Variants in SP110 observed in about 807,000 individuals in gnomAD.
The protein encoded by SP110 is interferon-induced protein 41, 30kD.
SP110 carries 62 observed loss-of-function variants against 92.7 expected under a neutral mutation model. That is an observed-to-expected ratio of 0.67 (90% CI 0.55 to 0.83). The LOEUF is 0.83. Among genes scored for constraint, SP110 ranks in the 40% least tolerant of loss-of-function variants. SP110 has a pLI of 0.00. For missense variants in SP110, 793 were observed against 863.9 expected, an observed-to-expected ratio of 0.92 and a Z score of 1.03; for synonymous variants, 273 against 305.3, an observed-to-expected ratio of 0.89 and a Z score of 1.10.
chr2:230,208,032 G>T lies in SP110; in HGVS notation c.857C>A (p.Ser286Ter). The T allele has an allele frequency of 3.8e-6, 6 of 1,564,466 alleles. No individual in the cohort carries two copies. The highest frequency in any genetic ancestry group is 5.3e-6 in the Non-Finnish European group (6 of 1,136,994). The change falls in exon 8 of 19, where the codon TCA becomes TAA. Residue 286 changes from serine to a stop codon, truncating the protein, a stop_gained. Coordinates refer to ENST00000258381, the MANE Select transcript of SP110 (RefSeq NM_080424.4). LOFTEE classifies it high-confidence loss of function. ...KGKKRKRCIWSTPKRRHKKKS... is the reference protein window; with the variant it reads ...KGKKRKRCIW ...TTTCTTATGTCTCCTTTTTGGAGTT[G>T]ACCAGATACATCTTTTTCTTTTCTT...
At chr2:230,223,216 T>C (rs764017063), upstream of SP110, among the ~76,000 whole-genome samples, 17 of 152,074 alleles carry the variant, frequency 1.1e-4, no homozygotes, top group Non-Finnish European at 2.4e-4. Context: ...TTTGTATTTT[T>C]AGTAGAGATG....
At chr2:230,214,400 G>T (rs1163129043) in intron 3 of SP110, among the ~76,000 whole-genome samples, 1 of 152,124 alleles carries the variant, frequency 6.6e-6, no homozygotes, top group South Asian at 2.1e-4. Context: ...GACCCAAGTA[G>T]GACTCTTGCT....
rs1560516964 is a variant in SP110 at position 230,168,128 on chromosome 2, A to AAAAAAG, written c.*990_*995dup. ...TGTCTCAAAAAAAAAAAAAAAAAAA[A>AAAAAAG]AAAAAGAAAAAGTGGGCAACTCAAG... On this transcript the variant is annotated 3_prime_UTR_variant, in exon 19 of 19. Transcript: ENST00000258381. The AAAAAAG allele has an allele frequency of 6.2e-5, 9 of 144,488 alleles. No homozygotes were observed. Among genetic ancestry groups the AAAAAAG allele is most frequent in the African/African-American group, 2.1e-4 (8 of 38,830 alleles). 9.0% of individuals were successfully genotyped at this position (144,488 alleles called of 1,614,324 possible).
intron 2 of SP110, among the ~76,000 whole-genome samples, chr2:230,215,355 G>A (rs1436884677): frequency 6.6e-6 from 1 of 152,154 alleles, no homozygotes; most frequent in Non-Finnish European, 1.5e-5. Flanking sequence ...CTTTCTTAAA[G>A]TAAGTCTATA....
rs983225395 is a variant in SP110, at chr2:230,211,725, G to A, written c.668-172C>T. 5.3e-5 allele frequency among the ~76,000 whole-genome samples: 8 copies of A among 152,266 alleles called. No homozygotes were observed. The East Asian group carries it at 1.4e-3, about 26-fold the overall frequency. On this transcript the variant is annotated intron_variant, in intron 5 of 18. Transcript: ENST00000258381. The surrounding 1 kb of genome is among the most constrained non-coding windows in gnomAD (Gnocchi z 4.2). ...GTAAGCAACCATTCACTCTCAATTA[G>A]CCACTTGTTCTTCCATTGCTGTTAG...
chr2:230,197,253 T>C (rs1318486422), intron 10 of SP110, among the ~76,000 whole-genome samples: 3 of 150,104 alleles, frequency 2.0e-5, no homozygotes, highest in African/African-American at 2.4e-5. Flanking sequence ...TGTGAGATGG[T>C]ATCTCATTGT....
chr2:230,181,882 A>G (rs543874305), intron 12 of SP110, among the ~76,000 whole-genome samples: 1 of 152,382 alleles, frequency 6.6e-6, no homozygotes, highest in South Asian at 2.1e-4. Flanking sequence ...ACCATTGTGA[A>G]AGACCTCGAA....
intron 12 of SP110, among the ~76,000 whole-genome samples, chr2:230,179,259 C>T (rs577909236): frequency 1.2e-4 from 18 of 152,256 alleles, no homozygotes; most frequent in South Asian, 1.0e-3. Context: ...TGTGATCCCC[C>T]CGACAGAACC....
upstream of SP110, chr2:230,220,194 T>C (rs1174168923): frequency 6.7e-6 from 3 of 445,342 alleles, no homozygotes; most frequent in Non-Finnish European, 8.9e-6. Flanking sequence ...GAGGGAGGTA[T>C]GGGAGGAGGA....
chr2:230,189,778 G>A (rs746339356), intron 10 of SP110, among the ~76,000 whole-genome samples: 6 of 152,146 alleles, frequency 3.9e-5, no homozygotes, highest in Non-Finnish European at 7.4e-5. Context: ...CCACTTATGA[G>A]TGAGAACATG....
At position 230,188,876 on chromosome 2, in the gene SP110, C is replaced by G. The variant is rs2042480228; in HGVS notation, c.1130-2733G>C. Among the ~76,000 whole-genome samples, 3 of 151,756 alleles carry G rather than the reference C, an allele frequency of 2.0e-5. No homozygotes were observed. The South Asian group carries it at 6.2e-4, about 31-fold the overall frequency. ...TTTTTGATGGGCTGCTGGATTCAAT[C>G]TCACTGTTTGTTATTGGTCTGTTCA... is the stretch of plus-strand genomic sequence containing the variant. On this transcript the variant is annotated intron_variant, in intron 10 of 18. Transcript: ENST00000258381.
In SP110 at chr2:230,211,833, TCTC is replaced by T. The variant is rs2148919200; in HGVS notation, c.668-283_668-281del. ...TATTTGGATCGAAGAGGACCCCTCT[TCTC>T]AGTACTGGAGAGCTCAGAATCCATG... On this transcript the variant is annotated intron_variant, in intron 5 of 18. Coordinates refer to ENST00000258381, the MANE Select transcript of SP110 (RefSeq NM_080424.4). The surrounding 1 kb of genome is among the most constrained non-coding windows in gnomAD (Gnocchi z 4.2). Among the ~76,000 whole-genome samples the T allele has an allele frequency of 6.6e-6, 1 of 152,296 alleles. No homozygotes were observed. Among genetic ancestry groups the T allele is most frequent in the South Asian group, 2.1e-4 (1 of 4,826 alleles).
At chr2:230,210,349 C>T (rs2044331923) in intron 6 of SP110, among the ~76,000 whole-genome samples, 1 of 152,180 alleles carries the variant, frequency 6.6e-6, no homozygotes, top group African/African-American at 2.4e-5. Flanking sequence ...TGACTATAGT[C>T]ACATGGTTTC....
Position 230,169,049 on chromosome 2 carries a change from G to GGATGTA in SP110, c.*74_*75insTACATC. 1 of 975,788 alleles carries GGATGTA rather than the reference G, an allele frequency of 1.0e-6. No individual in the cohort carries two copies. Among genetic ancestry groups the GGATGTA allele is most frequent in the Non-Finnish European group, 1.7e-6 (1 of 600,716 alleles). The allele number at this position is 975,788 out of a possible 1,614,324, so 60.4% of individuals were successfully genotyped here. On this transcript the variant is annotated 3_prime_UTR_variant, in exon 19 of 19. Transcript: ENST00000258381. The stretch of plus-strand genomic sequence containing the variant: ...AGCCAATTACATCCCAGACTCACTG[G>GGATGTA]CAATCAACAGTCCAAGCCAGGGTCC...
intron 18 of SP110, among the ~76,000 whole-genome samples, chr2:230,169,575 G>A (rs536007059): frequency 3.9e-5 from 6 of 152,190 alleles, no homozygotes; most frequent in Non-Finnish European, 7.4e-5. Context: ...CCCTCACCTC[G>A]GACTCCCAAA....
intron 12 of SP110, among the ~76,000 whole-genome samples, chr2:230,178,763 C>T (rs35574529): frequency 3.9e-5 from 6 of 152,118 alleles, no homozygotes; most frequent in Non-Finnish European, 5.9e-5. Flanking sequence ...GCTTCTTCCT[C>T]GATGAATAAA....
At chr2:230,172,359 G>A (rs369591401) in intron 15 of SP110, 185 bp from the exon 16 acceptor site, 225 of 643,158 alleles carry the variant, frequency 3.5e-4, no homozygotes, top group Middle Eastern at 2.5e-3. Context: ...CAGTGGTAGC[G>A]GCAGGCGGGC....
At position 230,171,753 on chromosome 2, in the gene SP110, G is replaced by A. The variant is rs1267174981; in HGVS notation, c.1830C>T (p.Leu610=). 1 of 1,612,846 alleles carries A rather than the reference G, an allele frequency of 6.2e-7. No individual in the cohort carries two copies. The highest frequency in any genetic ancestry group is 8.5e-7 in the Non-Finnish European group (1 of 1,178,912). The change falls in exon 17 of 19, where the codon CTC becomes CTT. Residue 610 remains leucine, a synonymous_variant. Coordinates refer to ENST00000258381, the MANE Select transcript of SP110 (RefSeq NM_080424.4). ...GTGGATGACAGTAGGCCTTCAAGAG[G>A]AGGAACTCACATTTCTGTAAAATGT... is the stretch of plus-strand genomic sequence containing the variant. ...QPQDQLKCEF[L]LLKAYCHPQS...
Position 230,212,442 on chromosome 2 carries a change from A to G in SP110, c.584-12T>C. ...CTTGTCATTGGTCACTGAAGGAGGA[A>G]AGGAAATTATTACAGATTGCAGGGA... On this transcript the variant is annotated splice_polypyrimidine_tract_variant and intron_variant, in intron 4 of 18. Transcript: ENST00000258381. The G allele has an allele frequency of 6.3e-7, 1 of 1,584,286 alleles. No homozygotes were observed. Among genetic ancestry groups the G allele is most frequent in the Non-Finnish European group, 8.7e-7 (1 of 1,152,702 alleles).
Sources: allele counts gnomAD v4.1 joint callset (sites outside exome capture counted in the v4.1 genomes callset), GRCh38; gene constraint gnomAD v4.1.1; non-coding constraint Gnocchi (gnomAD v3.1); transcripts MANE v1.5; gene names NCBI Gene and HGNC (gene_info 2026-07-23, HGNC 2026-07-21).